ZHX3: variants seen among roughly 807,000 people sequenced by gnomAD.
ZHX3 encodes the protein zinc fingers and homeoboxes 3, also known as zinc fingers and homeoboxes protein 3.
Under a neutral mutation model 64.5 loss-of-function variants are expected in ZHX3, and 20 were observed. The ratio of observed to expected loss-of-function variants is 0.31; its 90% CI spans 0.22 to 0.45. The LOEUF is 0.45. ZHX3 is among the 20% of genes least tolerant of loss of function. The pLI is 1.00. For missense variants in ZHX3, 1,041 were observed against 1,195.8 expected, an observed-to-expected ratio of 0.87 and a Z score of 1.91; for synonymous variants, 423 against 461.6, an observed-to-expected ratio of 0.92 and a Z score of 1.07.
intron 2 of ZHX3, among the ~76,000 whole-genome samples, chr20:41,251,559 A>G (rs975512878): frequency 1.3e-5 from 2 of 152,198 alleles, no homozygotes; most frequent in African/African-American, 4.8e-5. Context: ...TAAAGCTCTA[A>G]TATGTCAATA....
intron 1 of ZHX3, among the ~76,000 whole-genome samples, chr20:41,305,307 C>T (rs1355851559): frequency 2.6e-5 from 4 of 152,092 alleles, no homozygotes; most frequent in Admixed American, 2.6e-4. Context: ...ATTGCTTGAT[C>T]CCAGGTGAAA....
chr20:41,230,231 A>G (rs77625458), intron 2 of ZHX3, among the ~76,000 whole-genome samples: 5,530 of 152,104 alleles, frequency 0.036, 163 homozygotes, highest in Middle Eastern at 0.11. Context: ...CCCATAGGAC[A>G]CTTATCACGT....
chr20:41,250,723 A>G (rs2041950491), intron 2 of ZHX3, among the ~76,000 whole-genome samples: 1 of 152,268 alleles, frequency 6.6e-6, no homozygotes, highest in Non-Finnish European at 1.5e-5. Context: ...AAACTCAAAG[A>G]AATCCACACT....
At chr20:41,244,700 A>G (rs1479522580) in intron 2 of ZHX3, among the ~76,000 whole-genome samples, 2 of 152,182 alleles carry the variant, frequency 1.3e-5, no homozygotes, top group Non-Finnish European at 2.9e-5. Context: ...TAAATCAAAG[A>G]AAGAGAAGAC....
intron 1 of ZHX3, among the ~76,000 whole-genome samples, chr20:41,302,253 A>G (rs2146813480): frequency 6.6e-6 from 1 of 152,218 alleles, no homozygotes; most frequent in South Asian, 2.1e-4. Context: ...TCTGCTGCCA[A>G]TTAGTTGTGT....
At chr20:41,299,697 A>C (rs887833703) in intron 1 of ZHX3, among the ~76,000 whole-genome samples, 3 of 152,094 alleles carry the variant, frequency 2.0e-5, no homozygotes, top group African/African-American at 7.2e-5. Flanking sequence ...CCCTATCTCT[A>C]CTAAAAATAC....
At chr20:41,196,401 A>ATAATATAAT in intron 3 of ZHX3, among the ~76,000 whole-genome samples, 1 of 33,810 alleles carries the variant, frequency 3.0e-5, no homozygotes, top group African/African-American at 1.7e-4. Context: ...ATTTATATAT[A>ATAATATAAT]TTATATATTA....
chr20:41,250,518 T>C (rs1003438042), intron 2 of ZHX3, among the ~76,000 whole-genome samples: 3 of 151,974 alleles, frequency 2.0e-5, no homozygotes, highest in African/African-American at 7.3e-5. Flanking sequence ...ACCATGAAGA[T>C]GGACTGAAAA....
At chr20:41,304,500 T>C (rs1291926571) in intron 1 of ZHX3, among the ~76,000 whole-genome samples, 1 of 152,178 alleles carries the variant, frequency 6.6e-6, no homozygotes, top group East Asian at 1.9e-4. Context: ...TCTTACTGCA[T>C]CCATAAGGAG....
intron 1 of ZHX3, chr20:41,290,281 G>C (rs918641236): frequency 1.3e-5 from 2 of 152,108 alleles, no homozygotes; most frequent in Admixed American, 1.3e-4. Flanking sequence ...ATTTCTCTTA[G>C]AGACAGGGTC....
intron 1 of ZHX3, among the ~76,000 whole-genome samples, chr20:41,297,942 G>T (rs1239575248): frequency 6.6e-6 from 1 of 152,118 alleles, no homozygotes; most frequent in Non-Finnish European, 1.5e-5. Flanking sequence ...TAAGACTGAA[G>T]AACTCACAGA....
rs71193635 is a variant in ZHX3 at position 41,270,374 on chromosome 20, CAAAAA to C, written c.-244-1296_-244-1292del. ...CTGGGCAACAGAGCGAAACTCCGTC[CAAAAA>C]AAAAAAAAAAAAAAGGCCGGGCACG... is the stretch of plus-strand genomic sequence containing the variant. On this transcript the variant is annotated intron_variant, in intron 1 of 3. Coordinates refer to ENST00000683867, the MANE Select transcript of ZHX3 (RefSeq NM_001384317.1). Among the ~76,000 whole-genome samples, 10 of 83,580 alleles carry C rather than the reference CAAAAA, an allele frequency of 1.2e-4. No individual in the cohort carries two copies. The Admixed American group carries it at 1.2e-3, about 10-fold the overall frequency. 54.8% of individuals were successfully genotyped at this position (83,580 alleles called of 152,430 possible).
At chr20:41,261,429 G>C (rs1417840190) in intron 2 of ZHX3, among the ~76,000 whole-genome samples, 1 of 152,126 alleles carries the variant, frequency 6.6e-6, no homozygotes, top group African/African-American at 2.4e-5. Context: ...TAGTCAAACT[G>C]CATTTCCTTG....
intron 3 of ZHX3, among the ~76,000 whole-genome samples, chr20:41,190,585 T>C (rs2036932396): frequency 6.6e-6 from 1 of 152,224 alleles, no homozygotes; most frequent in Non-Finnish European, 1.5e-5. Flanking sequence ...TTTTCTGTAG[T>C]GGTAGCATTT....
intron 2 of ZHX3, among the ~76,000 whole-genome samples, chr20:41,259,580 A>G (rs1568910011): frequency 6.6e-6 from 1 of 152,224 alleles, no homozygotes; most frequent in Admixed American, 6.5e-5. Context: ...CTCCCATGAT[A>G]TACTATTAAA....
chr20:41,203,787 T>C lies in ZHX3; in HGVS notation c.1130A>G (p.Asn377Ser), dbSNP rs142704757. 25 of 1,614,114 alleles carry C rather than the reference T, an allele frequency of 1.5e-5. No individual in the cohort carries two copies. The highest frequency in any genetic ancestry group is 5.5e-5 in the South Asian group (5 of 91,082). The stretch of plus-strand genomic sequence containing the variant: ...CTGAGGCACAGACTGGATGACTGTA[T>C]TGAACATCTTTTTCCGGGCATCCTC... ...EIEDARKKMF[N>S]TVIQSVPQPT... The change falls in exon 3 of 4, where the codon AAT becomes AGT. Residue 377 changes from asparagine (N) to serine (S), a missense_variant. Around this residue, in one of 4 missense-constraint regions of ZHX3, gnomAD observed 649 missense variants for 739.8 expected, o/e 0.88. Coordinates refer to ENST00000683867, the MANE Select transcript of ZHX3 (RefSeq NM_001384317.1). This position sits in a 1 kb window ranked among gnomAD's most constrained non-coding sequence, Gnocchi z 7.1.
At position 41,181,253 on chromosome 20, in the gene ZHX3, G is replaced by A. The variant is rs1018784616; in HGVS notation, c.*3938C>T. 6.6e-6 allele frequency: 1 copy of A among 152,112 alleles called. No homozygotes were observed. The highest frequency in any genetic ancestry group is 1.5e-5 in the Non-Finnish European group (1 of 68,024). 9.4% of individuals were successfully genotyped at this position (152,112 alleles called of 1,614,324 possible). A position where few individuals can be genotyped will look rare whatever the true frequency, so the allele number is the denominator to read the frequency against. ...TATGTGGGCCTTCATGTGTCTAGAG[G>A]ATTTTTCTTCTCCAGCATATAACTA... On this transcript the variant is annotated 3_prime_UTR_variant, in exon 4 of 4. Coordinates refer to ENST00000683867, the MANE Select transcript of ZHX3 (RefSeq NM_001384317.1).
Position 41,204,750 on chromosome 20 carries a change from G to GGGT in ZHX3, c.164_166dup (p.Asn55_Pro56insHis). 1 of 1,614,086 alleles carries GGGT rather than the reference G, an allele frequency of 6.2e-7. No homozygotes were observed. The highest frequency in any genetic ancestry group is 8.5e-7 in the Non-Finnish European group (1 of 1,179,996). On this transcript the variant is annotated inframe_insertion, in exon 3 of 4. Transcript: ENST00000683867. The surrounding 1 kb of genome is among the most constrained non-coding windows in gnomAD (Gnocchi z 6.6). ...CAGTGTAGAGCCATCAGTACTGCTG[G>GGGT]GGTTCTGTGCTGCCTCACTGCTGGC...
intron 1 of ZHX3, among the ~76,000 whole-genome samples, chr20:41,271,213 G>T (rs979264513): frequency 2.2e-4 from 33 of 152,120 alleles, no homozygotes; most frequent in African/African-American, 8.0e-4. Flanking sequence ...TAGAGACGGG[G>T]TTTCACCATG....
Sources: allele counts gnomAD v4.1 joint callset (sites outside exome capture counted in the v4.1 genomes callset), GRCh38; gene constraint gnomAD v4.1.1; regional missense constraint gnomAD v4.1.1; non-coding constraint Gnocchi (gnomAD v3.1); transcripts MANE v1.5; gene names NCBI Gene and HGNC (gene_info 2026-07-23, HGNC 2026-07-21).